Variants in MYO9B observed in about 807,000 individuals in gnomAD.
MYO9B encodes unconventional myosin-IXb.
Under a neutral mutation model 229.5 loss-of-function variants are expected in MYO9B, and 71 were observed. The ratio of observed to expected loss-of-function variants is 0.31; its 90% CI spans 0.26 to 0.38. The LOEUF is 0.38. Ranked by LOEUF, MYO9B falls within the 10% of genes least tolerant of loss-of-function variation. The pLI is 1.00. For synonymous variants in MYO9B, 1,185 were observed against 1,235.8 expected (o/e 0.96, Z 0.86); for missense variants, 2,255 against 2,920.5 (o/e 0.77, Z 5.25).
chr19:17,096,279 T>C (rs895785744), intron 1 of MYO9B, among the ~76,000 whole-genome samples: 4 of 152,188 alleles, frequency 2.6e-5, no homozygotes, highest in Non-Finnish European at 4.4e-5. Context: ...CGACATCTGC[T>C]TCATTTCTCC....
At chr19:17,207,740 G>A (rs2073178333) in intron 35 of MYO9B, 1 of 152,204 alleles carries the variant, frequency 6.6e-6, no homozygotes, top group South Asian at 2.1e-4. Flanking sequence ...GGCTGGACGA[G>A]GTGGCTCACG....
rs567610233 is a variant in MYO9B, at chr19:17,172,591, C to T, written c.1935+114C>T. Reference sequence around the variant, plus strand: ...AGGTTCCAGGGTGCTCAGAACCCACCGCGAATCCCCGGCTCCAATGTCCAA... The same window carrying T: ...AGGTTCCAGGGTGCTCAGAACCCACTGCGAATCCCCGGCTCCAATGTCCAA... On this transcript the variant is annotated intron_variant, in intron 12 of 39. Coordinates refer to ENST00000682292, the MANE Select transcript of MYO9B (RefSeq NM_004145.4). The surrounding 1 kb of genome is among the most constrained non-coding windows in gnomAD (Gnocchi z 8.2). 5.9e-5 allele frequency: 88 copies of T among 1,480,638 alleles called. 1 individual carries two copies. The South Asian group carries it at 9.8e-4, about 16-fold the overall frequency. The allele number at this position is 1,480,638 out of a possible 1,614,324, so 91.7% of individuals were successfully genotyped here. A position where few individuals can be genotyped will look rare whatever the true frequency, so the allele number is the denominator to read the frequency against.
At chr19:17,182,412 CT>C (rs938593776) in intron 15 of MYO9B, among the ~76,000 whole-genome samples, 10 of 148,532 alleles carry the variant, frequency 6.7e-5, no homozygotes, top group South Asian at 4.3e-4. Flanking sequence ...ACTTCTGTTC[CT>C]TTTTTTTTTG....
At chr19:17,155,772 A>T (rs2072530023) in intron 6 of MYO9B, among the ~76,000 whole-genome samples, 1 of 151,146 alleles carries the variant, frequency 6.6e-6, no homozygotes, top group Admixed American at 6.6e-5. Context: ...TAATCCCAGC[A>T]CTTTGGGAGG....
rs1306186530 is a variant in MYO9B, at chr19:17,099,433, G to A, written c.-58-2227G>A. 3 of 152,068 alleles carry A rather than the reference G, an allele frequency of 2.0e-5. No homozygotes were observed. In the East Asian group the frequency reaches 5.8e-4, roughly 29 times the overall value. The allele number at this position is 152,068 out of a possible 1,614,324, so 9.4% of individuals were successfully genotyped here. ...CGTTGGGTACGATGTTCACTATTCA[G>A]GCAATGTGTATCCCAAAAGCCCAGA... On this transcript the variant is annotated intron_variant, in intron 1 of 39. Coordinates refer to ENST00000682292, the MANE Select transcript of MYO9B (RefSeq NM_004145.4).
intron 2 of MYO9B, among the ~76,000 whole-genome samples, chr19:17,105,343 A>T (rs1056462190): frequency 6.8e-6 from 1 of 147,280 alleles, no homozygotes; most frequent in Non-Finnish European, 1.5e-5. Context: ...AAAAAAAAAA[A>T]AATTAGCCAG....
intron 2 of MYO9B, among the ~76,000 whole-genome samples, chr19:17,112,838 A>G (rs2057861653): frequency 6.6e-6 from 1 of 152,176 alleles, no homozygotes; most frequent in African/African-American, 2.4e-5. Flanking sequence ...CCAGGCACTC[A>G]CCCAGCCCTT....
intron 38 of MYO9B, 128 bp downstream of exon 38, chr19:17,210,976 A>ATT: frequency 2.7e-5 from 15 of 565,582 alleles, no homozygotes; most frequent in South Asian, 2.3e-4. Flanking sequence ...GGCAAACAAC[A>ATT]CTTTTTTTTT....
chr19:17,145,530 C>T, intron 3 of MYO9B, 39 bp downstream of exon 3: 1 of 1,536,332 alleles, frequency 6.5e-7, no homozygotes, highest in Non-Finnish European at 9.0e-7. Context: ...GGGAGCTGGC[C>T]CCACGCACTG....
chr19:17,210,301 G>A (rs567605064), intron 36 of MYO9B, 32 bp from the exon 37 acceptor site: 44 of 1,568,654 alleles, frequency 2.8e-5, no homozygotes, highest in Non-Finnish European at 3.6e-5. Context: ...GTCTTGGCCC[G>A]TGTGGTCACC....
At chr19:17,128,215 GAA>G (rs34800666) in intron 2 of MYO9B, among the ~76,000 whole-genome samples, 1 of 148,324 alleles carries the variant, frequency 6.7e-6, no homozygotes. Context: ...TATCTATACT[GAA>G]AAAAAAAAAT....
At chr19:17,078,788 A>G (rs1338484202) in intron 1 of MYO9B, among the ~76,000 whole-genome samples, 1 of 152,202 alleles carries the variant, frequency 6.6e-6, no homozygotes, top group African/African-American at 2.4e-5. Flanking sequence ...CGGCCTGTAC[A>G]GGGCATCCCA....
At chr19:17,188,981 C>T (rs182270298) in intron 19 of MYO9B, among the ~76,000 whole-genome samples, 159 of 132,222 alleles carry the variant, frequency 1.2e-3, no homozygotes, top group African/African-American at 4.6e-3. Context: ...AACCCCGTCT[C>T]TACTAAAAAT....
At chr19:17,157,514 G>A in intron 7 of MYO9B, 1 of 158,508 alleles carries the variant, frequency 6.3e-6, no homozygotes, top group South Asian at 1.6e-4. Context: ...AGCCAAGATT[G>A]CGCCACTGCA....
intron 1 of MYO9B, among the ~76,000 whole-genome samples, chr19:17,097,177 C>T (rs1458834339): frequency 1.3e-5 from 2 of 151,646 alleles, no homozygotes; most frequent in Non-Finnish European, 2.9e-5. Context: ...CAAAATTAGC[C>T]GGGCATGGTG....
chr19:17,168,073 C>T lies in MYO9B; in HGVS notation c.1793+9C>T. The T allele has an allele frequency of 6.2e-7, 1 of 1,611,842 alleles. No individual in the cohort carries two copies. The highest frequency in any genetic ancestry group is 8.5e-7 in the Non-Finnish European group (1 of 1,179,100). On this transcript the variant is annotated intron_variant, in intron 11 of 39. Transcript: ENST00000682292. ...CTGGACGAGGAGAGCAAGTGAGTGT[C>T]CACACCCCGTCCATCCCGGCACATC...
intron 1 of MYO9B, among the ~76,000 whole-genome samples, chr19:17,084,362 G>A (rs2057562133): frequency 6.6e-6 from 1 of 151,810 alleles, no homozygotes; most frequent in Admixed American, 6.6e-5. Context: ...TATTGGGAAT[G>A]TATTCTGTGT....
chr19:17,169,125 A>C (rs1239992119), intron 11 of MYO9B, among the ~76,000 whole-genome samples: 1 of 152,038 alleles, frequency 6.6e-6, no homozygotes, highest in Non-Finnish European at 1.5e-5. Context: ...TAATCCCAGC[A>C]CTTTGGGAGG....
chr19:17,161,414 C>T lies in MYO9B; in HGVS notation c.1420-936C>T, dbSNP rs143133697. Among the ~76,000 whole-genome samples, 601 of 152,228 alleles carry T rather than the reference C, an allele frequency of 3.9e-3. 8 individuals are homozygous for T. The highest frequency in any genetic ancestry group is 0.014 in the African/African-American group (567 of 41,530). ...ACCACCTTGGCTGGTTGCAGTGGCT[C>T]ACGCATGTAATCCCAACACTTACGG... On this transcript the variant is annotated intron_variant, in intron 8 of 39. Transcript: ENST00000682292.
Sources: gnomAD v4.1 joint callset for allele counts (sites outside exome capture counted in the v4.1 genomes callset) on GRCh38, gnomAD v4.1.1 for gene constraint, Gnocchi (gnomAD v3.1) non-coding constraint, MANE v1.5 for transcripts, NCBI Gene and HGNC (gene_info 2026-07-23, HGNC 2026-07-21) for gene names.